Variants in MAD1L1 observed in about 807,000 individuals in gnomAD.
MAD1L1 encodes the protein mitotic arrest deficient 1 like 1.
MAD1L1 carries 95 observed loss-of-function variants against 96.9 expected under a neutral mutation model. The ratio of observed to expected loss-of-function variants is 0.98; its 90% CI spans 0.83 to 1.16. The LOEUF (loss-of-function observed/expected upper bound fraction) is 1.16, where lower values mean the gene tolerates loss of function less well. Ranked by LOEUF, MAD1L1 falls within the 50% of genes most tolerant of loss-of-function variation. MAD1L1 has a pLI of 0.00. For missense variants in MAD1L1, 1,007 were observed against 954.4 expected (o/e 1.06, Z -0.73); for synonymous variants, 473 against 396.6 (o/e 1.19, Z -2.29).
intron 11 of MAD1L1, among the ~76,000 whole-genome samples, chr7:2,069,725 T>C (rs990555823): frequency 1.3e-5 from 2 of 152,156 alleles, no homozygotes; most frequent in East Asian, 1.9e-4. Context: ...AGGCGCCTGG[T>C]TGGGGGGCCT....
chr7:1,951,854 G>A (rs948162495), intron 16 of MAD1L1, among the ~76,000 whole-genome samples: 2 of 152,184 alleles, frequency 1.3e-5, no homozygotes, highest in African/African-American at 4.8e-5. Flanking sequence ...CACAGACGCT[G>A]GGGTGCGCTC....
Position 2,213,904 on chromosome 7 carries a change from A to T in MAD1L1, c.925-631T>A, listed in dbSNP as rs537080918. Among the ~76,000 whole-genome samples the T allele has an allele frequency of 5.3e-5, 8 of 152,368 alleles. No homozygotes were observed. The South Asian group carries it at 8.3e-4, about 16-fold the overall frequency. On this transcript the variant is annotated intron_variant, in intron 9 of 18. Transcript: ENST00000265854. ...TCTAGGACGGAAGCAATCTGAGGGC[A>T]GGGACTCTGTGCCTTTGTTCTGGCC...
intron 10 of MAD1L1, among the ~76,000 whole-genome samples, chr7:2,199,781 C>T (rs75847996): frequency 6.6e-6 from 1 of 152,230 alleles, no homozygotes; most frequent in Admixed American, 6.5e-5. Flanking sequence ...TCAGCTGCAG[C>T]CCAGACTCCG....
intron 18 of MAD1L1, among the ~76,000 whole-genome samples, chr7:1,861,240 G>A (rs957090361): frequency 5.9e-5 from 9 of 152,304 alleles, no homozygotes; most frequent in Admixed American, 3.3e-4. Flanking sequence ...TGCTGGGTCC[G>A]GTGGGGGCTG....
intron 12 of MAD1L1, among the ~76,000 whole-genome samples, chr7:2,054,772 G>A (rs978698482): frequency 1.3e-5 from 2 of 152,200 alleles, no homozygotes; most frequent in Non-Finnish European, 2.9e-5. Flanking sequence ...GCTTTGCACC[G>A]ATCCAGGTGT....
intron 18 of MAD1L1, among the ~76,000 whole-genome samples, chr7:1,823,313 G>A (rs1263128973): frequency 6.6e-6 from 1 of 152,034 alleles, no homozygotes; most frequent in African/African-American, 2.4e-5. Context: ...TGTTAAAAAA[G>A]AAATCTTCAG....
chr7:2,049,488 T>C (rs1784071433), intron 12 of MAD1L1, among the ~76,000 whole-genome samples: 1 of 152,224 alleles, frequency 6.6e-6, no homozygotes, highest in Non-Finnish European at 1.5e-5. Context: ...GGCCTTCTGA[T>C]GGCACTCAAG....
At chr7:2,141,055 A>G (rs1009175786) in intron 11 of MAD1L1, among the ~76,000 whole-genome samples, 5 of 152,254 alleles carry the variant, frequency 3.3e-5, no homozygotes, top group Non-Finnish European at 7.3e-5. Context: ...TGGCTAAAGC[A>G]GCAGGCGGAG....
At chr7:1,825,905 T>C (rs1394349887) in intron 18 of MAD1L1, among the ~76,000 whole-genome samples, 1 of 151,766 alleles carries the variant, frequency 6.6e-6, no homozygotes, top group Non-Finnish European at 1.5e-5. Flanking sequence ...GCCCCAGGGT[T>C]GGCGGTCGGC....
chr7:1,888,974 C>G (rs1250187049), intron 18 of MAD1L1, among the ~76,000 whole-genome samples: 3 of 152,240 alleles, frequency 2.0e-5, no homozygotes, highest in South Asian at 4.1e-4. Flanking sequence ...ACTCACTGAC[C>G]TGCAGATCCT....
chr7:2,005,456 C>T (rs1781991774), intron 13 of MAD1L1, among the ~76,000 whole-genome samples: 1 of 152,060 alleles, frequency 6.6e-6, no homozygotes, highest in African/African-American at 2.4e-5. Context: ...TACTCTAGCA[C>T]CCTGGGGGAC....
At chr7:2,126,677 C>A (rs753983809) in intron 11 of MAD1L1, among the ~76,000 whole-genome samples, 1 of 152,192 alleles carries the variant, frequency 6.6e-6, no homozygotes, top group Non-Finnish European at 1.5e-5. Context: ...TGGGGACCGG[C>A]CTCTTCTGTC....
At chr7:2,162,469 C>T (rs1357806810) in intron 10 of MAD1L1, among the ~76,000 whole-genome samples, 2 of 151,896 alleles carry the variant, frequency 1.3e-5, no homozygotes, top group African/African-American at 2.4e-5. Context: ...GCAGGGACCT[C>T]TGCCTAGGAA....
At chr7:1,975,277 C>T (rs1049033563) in intron 15 of MAD1L1, among the ~76,000 whole-genome samples, 1 of 152,248 alleles carries the variant, frequency 6.6e-6, no homozygotes, top group Non-Finnish European at 1.5e-5. Flanking sequence ...CTCGGGGCCA[C>T]GCCTTCCCAC....
At chr7:2,178,766 G>A (rs767857611) in intron 10 of MAD1L1, among the ~76,000 whole-genome samples, 39 of 151,954 alleles carry the variant, frequency 2.6e-4, no homozygotes, top group Admixed American at 4.6e-4. Flanking sequence ...GTGTGGTGGC[G>A]GGCGCCTGTA....
At chr7:2,107,972 C>T (rs572878436) in intron 11 of MAD1L1, among the ~76,000 whole-genome samples, 2 of 152,002 alleles carry the variant, frequency 1.3e-5, no homozygotes, top group South Asian at 2.1e-4. Context: ...CAGGAGACAC[C>T]GGCACCCCCC....
intron 18 of MAD1L1, among the ~76,000 whole-genome samples, chr7:1,833,453 A>G (rs542567054): frequency 6.6e-6 from 1 of 152,392 alleles, no homozygotes; most frequent in South Asian, 2.1e-4. Flanking sequence ...GTCAATATTC[A>G]TCTATCAATA....
intron 12 of MAD1L1, among the ~76,000 whole-genome samples, chr7:2,045,597 A>T (rs73672020): frequency 6.6e-6 from 1 of 152,222 alleles, no homozygotes; most frequent in Non-Finnish European, 1.5e-5. Flanking sequence ...ACTTTTCTGA[A>T]GCTGTGGATA....
intron 18 of MAD1L1, among the ~76,000 whole-genome samples, chr7:1,887,235 ATGTGGGGGTGGC>A (rs11270631): frequency 0.042 from 6,397 of 152,192 alleles, 235 homozygotes; most frequent in African/African-American, 0.095. Context: ...GAGCATGTGT[ATGTGGGGGTGGC>A]TGTGCATGTG....
Sources: allele counts gnomAD v4.1 joint callset (sites outside exome capture counted in the v4.1 genomes callset), GRCh38; gene constraint gnomAD v4.1.1; transcripts MANE v1.5; gene names NCBI Gene and HGNC (gene_info 2026-07-23, HGNC 2026-07-21).